RBKS: variants seen among roughly 807,000 people sequenced by gnomAD.
RBKS encodes ribokinase.
Under a neutral mutation model 33.9 loss-of-function variants are expected in RBKS, and 33 were observed. The ratio of observed to expected loss-of-function variants is 0.97; its 90% CI spans 0.74 to 1.30. The LOEUF (loss-of-function observed/expected upper bound fraction) is 1.30. Among genes scored for constraint, RBKS ranks in the 50% most tolerant of loss-of-function variants. RBKS has a pLI of 0.00. For synonymous variants in RBKS, 125 were observed against 143.0 expected (o/e 0.87, Z 0.90); for missense variants, 361 against 392.6 (o/e 0.92, Z 0.68).
At chr2:27,814,402 T>C (rs1678048811) in intron 7 of RBKS, among the ~76,000 whole-genome samples, 1 of 152,064 alleles carries the variant, frequency 6.6e-6, no homozygotes, top group Non-Finnish European at 1.5e-5. Flanking sequence ...TACTGTTTAG[T>C]GTGGTTGAAA....
chr2:27,887,844 G>C (rs1240162976), intron 1 of RBKS, among the ~76,000 whole-genome samples: 3 of 152,226 alleles, frequency 2.0e-5, no homozygotes, highest in Admixed American at 2.0e-4. Flanking sequence ...GCCAAGAGGA[G>C]AAATTCTTCT....
chr2:27,848,141 A>C, intron 2 of RBKS, 44 bp from the exon 3 acceptor site: 1 of 1,114,718 alleles, frequency 9.0e-7, no homozygotes, highest in South Asian at 1.4e-5. Flanking sequence ...TAGAGTTAGT[A>C]AAATGCTACA....
chr2:27,850,141 C>T (rs1162321099), intron 2 of RBKS, among the ~76,000 whole-genome samples: 1 of 152,118 alleles, frequency 6.6e-6, no homozygotes, highest in Non-Finnish European at 1.5e-5. Context: ...GTTTTGTTTG[C>T]CCTACTACTG....
intron 2 of RBKS, among the ~76,000 whole-genome samples, chr2:27,851,200 CCTGT>C (rs1221877721): frequency 1.3e-5 from 2 of 152,144 alleles, no homozygotes; most frequent in African/African-American, 2.4e-5. Flanking sequence ...TAGAAAGAAA[CCTGT>C]CTGTTTCCTT....
intron 1 of RBKS, among the ~76,000 whole-genome samples, chr2:27,868,756 A>G (rs1186199754): frequency 1.3e-5 from 2 of 152,190 alleles, no homozygotes; most frequent in Admixed American, 6.5e-5. Context: ...ATATCTTTGC[A>G]TAGCCTATTC....
chr2:27,877,832 G>A lies in RBKS; in HGVS notation c.89+12425C>T, dbSNP rs931817878. 2.0e-5 allele frequency among the ~76,000 whole-genome samples: 3 copies of A among 152,062 alleles called. No homozygotes were observed. In the East Asian group the frequency reaches 5.8e-4, roughly 29 times the overall value. On this transcript the variant is annotated intron_variant, in intron 1 of 7. Transcript: ENST00000302188. ...ATTCCCAGCACTACTGTCCTAGTTC[G>A]CACCATCATCAACATTTGTGAATAC...
Position 27,835,290 on chromosome 2 carries a change from AG to A in RBKS, c.515-2514del, listed in dbSNP as rs1246699015. 5.7e-3 allele frequency among the ~76,000 whole-genome samples: 850 copies of A among 148,858 alleles called. 7 individuals are homozygous for A. The highest frequency in any genetic ancestry group is 0.021 in the African/African-American group (827 of 39,740). Reference sequence around the variant, plus strand: ...AAACTCTGTCTCAAAAAAAAAAAAAAGAAAAAAAAGAATTATGACACGTCTG... The same window carrying A: ...AAACTCTGTCTCAAAAAAAAAAAAAAAAAAAAAAGAATTATGACACGTCTG... On this transcript the variant is annotated intron_variant, in intron 5 of 7. Coordinates refer to ENST00000302188, the MANE Select transcript of RBKS (RefSeq NM_022128.3).
At chr2:27,782,594 G>C (rs1677309216) in intron 7 of RBKS, 1 of 464,622 alleles carries the variant, frequency 2.2e-6, no homozygotes, top group Non-Finnish European at 4.5e-6. Context: ...GTTTTTGGAA[G>C]ACCACAGAGG....
At chr2:27,843,425 T>C (rs1009587009) in intron 4 of RBKS, among the ~76,000 whole-genome samples, 194 bp from the exon 5 acceptor site, 1 of 152,230 alleles carries the variant, frequency 6.6e-6, no homozygotes, top group African/African-American at 2.4e-5. Context: ...CTCTGTAAGA[T>C]GCACATTATT....
At chr2:27,828,033 T>C (rs1050603956) in intron 6 of RBKS, among the ~76,000 whole-genome samples, 10 of 152,240 alleles carry the variant, frequency 6.6e-5, no homozygotes, top group African/African-American at 2.4e-4. Flanking sequence ...GGTGTGATAA[T>C]GGTATTGTGT....
At chr2:27,889,170 T>A (rs775211083) in intron 1 of RBKS, among the ~76,000 whole-genome samples, 1 of 152,206 alleles carries the variant, frequency 6.6e-6, no homozygotes, top group African/African-American at 2.4e-5. Context: ...ACACAGCTTA[T>A]AAATATTTTA....
intron 1 of RBKS, among the ~76,000 whole-genome samples, chr2:27,875,882 A>C (rs566048817): frequency 5.3e-5 from 8 of 152,316 alleles, no homozygotes; most frequent in African/African-American, 1.4e-4. Flanking sequence ...ACAGATATAC[A>C]TACATATGGG....
At chr2:27,813,186 C>G (rs555773203) in intron 7 of RBKS, among the ~76,000 whole-genome samples, 3 of 152,132 alleles carry the variant, frequency 2.0e-5, no homozygotes, top group Admixed American at 6.5e-5. Context: ...ATACCTTCAA[C>G]CTAGACTACA....
chr2:27,835,744 GAAC>G (rs1419740863), intron 5 of RBKS, among the ~76,000 whole-genome samples: 1 of 151,322 alleles, frequency 6.6e-6, no homozygotes, highest in Non-Finnish European at 1.5e-5. Flanking sequence ...TTTTTAATAA[GAAC>G]AAATAACAAG....
At chr2:27,805,400 G>C (rs962790576) in intron 7 of RBKS, among the ~76,000 whole-genome samples, 1 of 152,136 alleles carries the variant, frequency 6.6e-6, no homozygotes, top group African/African-American at 2.4e-5. Context: ...CCCTGCACAG[G>C]CATAAAATGA....
intron 6 of RBKS, among the ~76,000 whole-genome samples, chr2:27,831,661 C>T (rs1274497890): frequency 6.6e-6 from 1 of 152,126 alleles, no homozygotes; most frequent in Non-Finnish European, 1.5e-5. Context: ...GAAAATTAGG[C>T]TGGGTACAGT....
At chr2:27,835,011 C>T (rs1678488588) in intron 5 of RBKS, among the ~76,000 whole-genome samples, 1 of 152,154 alleles carries the variant, frequency 6.6e-6, no homozygotes, top group African/African-American at 2.4e-5. Flanking sequence ...CGTGGTGGCT[C>T]ATGCCTGTAA....
intron 7 of RBKS, among the ~76,000 whole-genome samples, chr2:27,789,949 G>GTATATATGTATA (rs1673223847): frequency 8.2e-6 from 1 of 121,512 alleles, no homozygotes; most frequent in African/African-American, 3.3e-5. Flanking sequence ...ATGTATATGT[G>GTATATATGTATA]TATATATATA....
intron 1 of RBKS, among the ~76,000 whole-genome samples, chr2:27,881,357 A>G (rs1664413087): frequency 6.6e-6 from 1 of 152,024 alleles, no homozygotes; most frequent in Non-Finnish European, 1.5e-5. Flanking sequence ...CCTGGTCAAC[A>G]TGGCGAAACC....
Sources: allele counts gnomAD v4.1 joint callset (sites outside exome capture counted in the v4.1 genomes callset), GRCh38; gene constraint gnomAD v4.1.1; transcripts MANE v1.5; gene names NCBI Gene and HGNC (gene_info 2026-07-23, HGNC 2026-07-21).